TIAM1: variants seen among roughly 807,000 people sequenced by gnomAD.
The protein encoded by TIAM1 is TIAM Rac1 associated GEF 1.
In TIAM1, 65 loss-of-function variants were observed where a neutral mutation model predicts 163.5. The observed-to-expected ratio is 0.40, with a 90% confidence interval of 0.33 to 0.49. The LOEUF is 0.49. TIAM1 is among the 20% of genes least tolerant of loss of function. The pLI is 0.77. For missense variants in TIAM1, 1,789 were observed against 2,044.7 expected, an observed-to-expected ratio of 0.87 and a Z score of 2.41; for synonymous variants, 833 against 810.1, an observed-to-expected ratio of 1.03 and a Z score of -0.48.
intron 2 of TIAM1, among the ~76,000 whole-genome samples, chr21:31,295,350 G>A (rs143564304): frequency 0.024 from 3,561 of 150,950 alleles, 59 homozygotes; most frequent in South Asian, 0.052. Context: ...GGCACCTGTA[G>A]TCCCAACTAC....
Position 31,392,793 on chromosome 21 carries a change from AAG to A in TIAM1, c.-368-53373_-368-53372del, listed in dbSNP as rs1448116728. On this transcript the variant is annotated intron_variant, in intron 2 of 28. Transcript: ENST00000286827. ...CTGTTAGTTCAAGTGAGAGTGGGTT[AAG>A]AGAGACTGGCACCGCCTACTCTCTC... Among the ~76,000 whole-genome samples, 11 of 151,902 alleles carry A rather than the reference AAG, an allele frequency of 7.2e-5. No individual in the cohort carries two copies. In the East Asian group the frequency reaches 1.8e-3, roughly 24 times the overall value.
rs759888080 is a variant in TIAM1 at position 31,154,423 on chromosome 21, T to C, written c.2995A>G (p.Thr999Ala). The change falls in exon 17 of 28, where the codon ACA becomes GCA. Residue 999 changes from threonine (T) to alanine (A), a missense_variant. Around this residue, in one of 5 missense-constraint regions of TIAM1, gnomAD observed 303 missense variants for 321.3 expected, o/e 0.94. Transcript: ENST00000541036. Reference sequence around the variant, plus strand: ...CGGCAAAATGCGGCCACCTGTTCTGTACTCTTCGGAGCACAGGGGGGAAGG... The same window carrying C: ...CGGCAAAATGCGGCCACCTGTTCTGCACTCTTCGGAGCACAGGGGGGAAGG... ...SDETDHSSKS[T>A]EQVAAFCRSL... 6.2e-7 allele frequency: 1 copy of C among 1,613,462 alleles called. No homozygotes were observed. The highest frequency in any genetic ancestry group is 1.1e-5 in the South Asian group (1 of 91,046).
intron 1 of TIAM1, among the ~76,000 whole-genome samples, chr21:31,533,163 C>T (rs1361376547): frequency 6.6e-6 from 1 of 151,828 alleles, no homozygotes; most frequent in Non-Finnish European, 1.5e-5. Context: ...TCTACTAAAA[C>T]CACAAAAATT....
chr21:31,357,897 T>C (rs1245971161), intron 2 of TIAM1, among the ~76,000 whole-genome samples: 1 of 152,260 alleles, frequency 6.6e-6, no homozygotes, highest in Non-Finnish European at 1.5e-5. Flanking sequence ...TAAATTCTTC[T>C]GCCTTGCTGG....
At chr21:31,284,824 C>T (rs183473753) in intron 2 of TIAM1, among the ~76,000 whole-genome samples, 254 of 152,196 alleles carry the variant, frequency 1.7e-3, no homozygotes, top group African/African-American at 5.5e-3. Flanking sequence ...GTTTTCCAAG[C>T]CTGAAGTTCA....
rs528137650 is a variant in TIAM1, at chr21:31,190,651, T to C, written c.2576-3564A>G. Among the ~76,000 whole-genome samples, 21 of 152,280 alleles carry C rather than the reference T, an allele frequency of 1.4e-4. No homozygotes were observed. The South Asian group carries it at 4.4e-3, about 32-fold the overall frequency. ...AAGTTGCTGAAATGACGCATCCTTC[T>C]ACTTCAAGGCAGCCGAGGGTCTCAT... is the stretch of plus-strand genomic sequence containing the variant. On this transcript the variant is annotated intron_variant, in intron 13 of 27. Transcript: ENST00000541036.
At chr21:31,532,058 A>G (rs563509430) in intron 1 of TIAM1, among the ~76,000 whole-genome samples, 3 of 152,288 alleles carry the variant, frequency 2.0e-5, no homozygotes, top group Non-Finnish European at 4.4e-5. Flanking sequence ...TCCAGGCTGC[A>G]ATGAGCCATG....
At chr21:31,334,370 A>T (rs1221949999) in intron 2 of TIAM1, among the ~76,000 whole-genome samples, 1 of 151,610 alleles carries the variant, frequency 6.6e-6, no homozygotes, top group African/African-American at 2.4e-5. Context: ...CTGCAGCCTC[A>T]AAGTCCTTGG....
intron 2 of TIAM1, among the ~76,000 whole-genome samples, chr21:31,422,069 G>A (rs188667553): frequency 6.6e-6 from 1 of 152,242 alleles, no homozygotes; most frequent in Non-Finnish European, 1.5e-5. Flanking sequence ...AGCATGCCTT[G>A]CCAACACCTT....
chr21:31,477,680 T>C (rs1481420577), intron 1 of TIAM1, among the ~76,000 whole-genome samples: 1 of 152,098 alleles, frequency 6.6e-6, no homozygotes, highest in African/African-American at 2.4e-5. Flanking sequence ...TTCACCATGT[T>C]GGCCAGGCTA....
chr21:31,199,163 CA>C (rs1417076258), intron 12 of TIAM1, among the ~76,000 whole-genome samples: 1 of 152,180 alleles, frequency 6.6e-6, no homozygotes, highest in East Asian at 1.9e-4. Context: ...TGAGTTCTCA[CA>C]AAATCAGGAT....
chr21:31,209,535 C>T (rs185438732), intron 11 of TIAM1, among the ~76,000 whole-genome samples: 245 of 152,330 alleles, frequency 1.6e-3, no homozygotes, highest in African/African-American at 5.4e-3. Context: ...ACTTATATTT[C>T]CTTCCATTTT....
intron 1 of TIAM1, among the ~76,000 whole-genome samples, chr21:31,495,570 C>T (rs1293517913): frequency 1.3e-5 from 2 of 152,242 alleles, no homozygotes; most frequent in Middle Eastern, 3.2e-3. Flanking sequence ...ACTAGAAACA[C>T]CTGAATTTTG....
chr21:31,463,553 C>T (rs2045410859), intron 2 of TIAM1, among the ~76,000 whole-genome samples: 1 of 152,166 alleles, frequency 6.6e-6, no homozygotes, highest in Non-Finnish European at 1.5e-5. Context: ...TGCAGTGGCT[C>T]ATGCCTGTAA....
chr21:31,319,574 C>T (rs530553384), intron 2 of TIAM1, among the ~76,000 whole-genome samples: 5 of 151,956 alleles, frequency 3.3e-5, no homozygotes, highest in African/African-American at 9.7e-5. Context: ...GTCAGGAGAT[C>T]GAGACCATTC....
At chr21:31,136,579 G>A (rs2082630625) in intron 22 of TIAM1, among the ~76,000 whole-genome samples, 1 of 152,162 alleles carries the variant, frequency 6.6e-6, no homozygotes, top group South Asian at 2.1e-4. Flanking sequence ...ATACAGGGGA[G>A]AGAAAAGGCT....
intron 15 of TIAM1, among the ~76,000 whole-genome samples, chr21:31,173,562 G>GA (rs1409068358): frequency 1.4e-4 from 21 of 151,404 alleles, no homozygotes; most frequent in African/African-American, 3.6e-4. Flanking sequence ...GAAAAGAAAA[G>GA]AAAGAAAGAA....
At chr21:31,523,392 C>T (rs1210092308) in intron 1 of TIAM1, among the ~76,000 whole-genome samples, 4 of 152,146 alleles carry the variant, frequency 2.6e-5, no homozygotes, top group Non-Finnish European at 4.4e-5. Flanking sequence ...CAAATGAGAA[C>T]AAGTCATATG....
At chr21:31,482,160 C>CT (rs11284954) in intron 1 of TIAM1, among the ~76,000 whole-genome samples, 33 of 149,458 alleles carry the variant, frequency 2.2e-4, no homozygotes, top group Non-Finnish European at 4.0e-4. Context: ...AACAAACATC[C>CT]TTTTTTTTTG....
Sources: gnomAD v4.1 joint callset for allele counts (sites outside exome capture counted in the v4.1 genomes callset) on GRCh38, gnomAD v4.1.1 for gene constraint, gnomAD v4.1.1 regional missense constraint, MANE v1.5 for transcripts, NCBI Gene and HGNC (gene_info 2026-07-23, HGNC 2026-07-21) for gene names.